The following LRRC4C variants were observed in gnomAD, a reference collection of about 807,000 sequenced individuals.
LRRC4C encodes leucine rich repeat containing 4C.
Under a neutral mutation model 33.6 loss-of-function variants are expected in LRRC4C, and 5 were observed. That is an observed-to-expected ratio of 0.15 (90% CI 0.08 to 0.31). The LOEUF is 0.31. Among genes scored for constraint, LRRC4C ranks in the 10% least tolerant of loss-of-function variants. The probability of loss-of-function intolerance (pLI) is 1.00; values close to 1 mark genes in which losing one functional copy is unlikely to be tolerated. For missense variants in LRRC4C, 560 were observed against 796.7 expected (o/e 0.70, Z 3.58); for synonymous variants, 329 against 302.0 (o/e 1.09, Z -0.93).
chr11:40,427,400 AG>A (rs1950756785), intron 3 of LRRC4C, among the ~76,000 whole-genome samples: 1 of 152,148 alleles, frequency 6.6e-6, no homozygotes, highest in East Asian at 1.9e-4. Context: ...CCACCTACTC[AG>A]GAGGCTGAGG....
At chr11:40,843,980 G>A (rs1160119905) in intron 2 of LRRC4C, among the ~76,000 whole-genome samples, 1 of 152,062 alleles carries the variant, frequency 6.6e-6, no homozygotes, top group East Asian at 1.9e-4. Context: ...ATATTTTTTG[G>A]AACTCTAACT....
chr11:40,657,577 C>A (rs772569017), intron 2 of LRRC4C, among the ~76,000 whole-genome samples: 9 of 152,168 alleles, frequency 5.9e-5, no homozygotes, highest in Non-Finnish European at 1.2e-4. Context: ...AAGAATGCAG[C>A]CTTTGTCTCT....
chr11:40,133,333 T>C (rs1177984666), intron 6 of LRRC4C, among the ~76,000 whole-genome samples: 2 of 152,180 alleles, frequency 1.3e-5, no homozygotes, highest in Non-Finnish European at 2.9e-5. Context: ...ATATCATGTA[T>C]ATAGAGTCAT....
intron 3 of LRRC4C, among the ~76,000 whole-genome samples, chr11:40,350,074 G>A (rs961637046): frequency 6.6e-6 from 1 of 152,082 alleles, no homozygotes; most frequent in Admixed American, 6.6e-5. Flanking sequence ...TTTCCTTGCT[G>A]TGTAGAAACT....
intron 3 of LRRC4C, among the ~76,000 whole-genome samples, chr11:40,585,652 G>A (rs1354100309): frequency 6.5e-5 from 8 of 123,278 alleles, no homozygotes; most frequent in East Asian, 5.0e-4. Flanking sequence ...TCCCCAGAGT[G>A]TGATGTTCCC....
chr11:40,413,710 AG>A (rs1173802273), intron 3 of LRRC4C, among the ~76,000 whole-genome samples: 1 of 152,136 alleles, frequency 6.6e-6, no homozygotes, highest in Non-Finnish European at 1.5e-5. Flanking sequence ...TATGTAATGA[AG>A]TGAATGTTGT....
intron 2 of LRRC4C, among the ~76,000 whole-genome samples, chr11:40,794,851 T>A (rs1306523275): frequency 6.6e-6 from 1 of 152,134 alleles, no homozygotes; most frequent in Non-Finnish European, 1.5e-5. Flanking sequence ...AGTCCCAATA[T>A]CAGCAGATAA....
At chr11:40,918,637 A>G (rs963806228) in intron 2 of LRRC4C, among the ~76,000 whole-genome samples, 4 of 152,112 alleles carry the variant, frequency 2.6e-5, no homozygotes, top group African/African-American at 7.2e-5. Context: ...TTAAATAGGA[A>G]GAAGAGATTG....
chr11:40,467,729 C>T (rs562012436), intron 3 of LRRC4C, among the ~76,000 whole-genome samples: 1 of 152,270 alleles, frequency 6.6e-6, no homozygotes, highest in Admixed American at 6.5e-5. Flanking sequence ...TCTAACAGAA[C>T]CCTAACTGCC....
At chr11:40,489,360 T>A (rs538268153) in intron 3 of LRRC4C, among the ~76,000 whole-genome samples, 174 of 152,216 alleles carry the variant, frequency 1.1e-3, no homozygotes, top group Non-Finnish European at 1.7e-3. Context: ...CAATTTAGAA[T>A]TAACATCCCT....
chr11:40,705,051 C>T (rs147956859), intron 2 of LRRC4C, among the ~76,000 whole-genome samples: 1 of 152,192 alleles, frequency 6.6e-6, no homozygotes, highest in Non-Finnish European at 1.5e-5. Context: ...CACACAAACA[C>T]ATTATGTGAT....
chr11:40,685,766 TA>T (rs1944922463), intron 2 of LRRC4C, among the ~76,000 whole-genome samples: 1 of 151,926 alleles, frequency 6.6e-6, no homozygotes, highest in Non-Finnish European at 1.5e-5. Context: ...ACATAAGAGT[TA>T]AAAGACAGCT....
chr11:41,292,891 G>A (rs1468161526), intron 1 of LRRC4C, among the ~76,000 whole-genome samples: 1 of 152,118 alleles, frequency 6.6e-6, no homozygotes, highest in African/African-American at 2.4e-5. Flanking sequence ...CATGCTGTGA[G>A]TTGGCAATTT....
chr11:40,613,244 G>A (rs536856757), intron 3 of LRRC4C, among the ~76,000 whole-genome samples: 42 of 151,950 alleles, frequency 2.8e-4, no homozygotes, highest in African/African-American at 9.9e-4. Flanking sequence ...CAGAACTTAT[G>A]TGACTATTGG....
chr11:41,296,870 A>G (rs1950158651), intron 1 of LRRC4C, among the ~76,000 whole-genome samples: 1 of 152,186 alleles, frequency 6.6e-6, no homozygotes, highest in Admixed American at 6.5e-5. Flanking sequence ...ATATTAGATA[A>G]TAAAAAGTAC....
At chr11:40,539,422 C>A (rs79543278) in intron 3 of LRRC4C, among the ~76,000 whole-genome samples, 14,216 of 152,072 alleles carry the variant, frequency 0.093, 787 homozygotes, top group Middle Eastern at 0.15. Flanking sequence ...ACTCATTTAT[C>A]TGTATATCTT....
chr11:41,068,996 T>C (rs1037297907), intron 1 of LRRC4C, among the ~76,000 whole-genome samples: 2 of 152,054 alleles, frequency 1.3e-5, no homozygotes, highest in African/African-American at 4.8e-5. Context: ...ATATTCCTGA[T>C]AATATCAATG....
intron 1 of LRRC4C, among the ~76,000 whole-genome samples, chr11:41,252,237 G>T (rs566613465): frequency 6.6e-6 from 1 of 152,086 alleles, no homozygotes; most frequent in African/African-American, 2.4e-5. Flanking sequence ...GTCGAGGAGA[G>T]GTTGGTCAAT....
intron 1 of LRRC4C, among the ~76,000 whole-genome samples, chr11:41,332,206 C>A (rs1400190369): frequency 6.6e-6 from 1 of 152,058 alleles, no homozygotes; most frequent in African/African-American, 2.4e-5. Context: ...TTACTAGATA[C>A]CCAATTTGCC....
Sources: allele counts gnomAD v4.1 joint callset (sites outside exome capture counted in the v4.1 genomes callset), GRCh38; gene constraint gnomAD v4.1.1; transcripts MANE v1.5; gene names NCBI Gene and HGNC (gene_info 2026-07-23, HGNC 2026-07-21).